The following CPAMD8 variants were observed in gnomAD, a reference collection of about 807,000 sequenced individuals.
CPAMD8 encodes the protein C3 and PZP-like alpha-2-macroglobulin domain-containing protein 8.
CPAMD8 carries 146 observed loss-of-function variants against 224.7 expected under a neutral mutation model. The observed-to-expected ratio is 0.65, with a 90% CI of 0.57 to 0.75. CPAMD8 has a LOEUF of 0.75. Among genes scored for constraint, CPAMD8 ranks in the 30% least tolerant of loss-of-function variants. The pLI is 0.00. For synonymous variants in CPAMD8, 966 were observed against 1,044.6 expected, an observed-to-expected ratio of 0.92 and a Z score of 1.45; for missense variants, 2,301 against 2,537.5, an observed-to-expected ratio of 0.91 and a Z score of 2.00.
chr19:16,923,390 A>G (rs978696921), intron 26 of CPAMD8, among the ~76,000 whole-genome samples: 1 of 152,170 alleles, frequency 6.6e-6, no homozygotes, highest in African/African-American at 2.4e-5. Context: ...ACTCAGCCAG[A>G]CACAGCCTGT....
chr19:16,949,062 G>C lies in CPAMD8; in HGVS notation c.2509-1835C>G, dbSNP rs536608568. On this transcript the variant is annotated intron_variant, in intron 20 of 41. Coordinates refer to ENST00000443236, the MANE Select transcript of CPAMD8 (RefSeq NM_015692.5). ...GAAGGAAGGACGGGAGGGGGGGAGGGAGGGAGGAAGGAAGGGAGGAAGGAA... is the reference window on the plus strand; with the variant it reads ...GAAGGAAGGACGGGAGGGGGGGAGGCAGGGAGGAAGGAAGGGAGGAAGGAA... Among the ~76,000 whole-genome samples, 275 of 131,504 alleles carry C rather than the reference G, an allele frequency of 2.1e-3. 1 individual carries two copies. Among genetic ancestry groups the C allele is most frequent in the African/African-American group, 7.2e-3 (266 of 37,018 alleles). The allele number at this position is 131,504 out of a possible 152,430, so 86.3% of individuals were successfully genotyped here. A position where few individuals can be genotyped will look rare whatever the true frequency, so the allele number is the denominator to read the frequency against.
chr19:16,975,209 GAC>G lies in CPAMD8; in HGVS notation c.1956_1957del (p.Ser653GlnfsTer62). 6.2e-7 allele frequency: 1 copy of G among 1,610,614 alleles called. No individual in the cohort carries two copies. The highest frequency in any genetic ancestry group is 8.5e-7 in the Non-Finnish European group (1 of 1,178,438). On this transcript the variant is annotated frameshift_variant, in exon 17 of 42. Coordinates refer to ENST00000443236, the MANE Select transcript of CPAMD8 (RefSeq NM_015692.5). LOFTEE classifies it high-confidence loss of function. ...CCACCAAAAAGGACCATCCTCCCTG[GAC>G]ACGCCAAAGGAATCAGAAACATCAT...
chr19:16,986,812 G>A (rs2055737137), intron 13 of CPAMD8, among the ~76,000 whole-genome samples: 1 of 151,990 alleles, frequency 6.6e-6, no homozygotes, highest in Non-Finnish European at 1.5e-5. Context: ...CCCAGCCAGT[G>A]AGCCTGCCAC....
intron 13 of CPAMD8, among the ~76,000 whole-genome samples, 157 bp from the exon 14 acceptor site, chr19:16,980,843 T>C (rs570932857): frequency 6.6e-6 from 1 of 152,190 alleles, no homozygotes; most frequent in South Asian, 2.1e-4. Context: ...TGTTTTTTGT[T>C]TTCTTTTTTA....
chr19:16,909,847 G>C (rs570283995), intron 29 of CPAMD8, among the ~76,000 whole-genome samples: 2 of 152,130 alleles, frequency 1.3e-5, no homozygotes, highest in East Asian at 3.9e-4. Flanking sequence ...ACTGCTGATC[G>C]GCACGGGAGT....
intron 23 of CPAMD8, 131 bp downstream of exon 23, chr19:16,938,264 C>A: frequency 1.8e-6 from 1 of 545,392 alleles, no homozygotes; most frequent in South Asian, 2.7e-5. Context: ...ACCACAGTGC[C>A]CCCTTCCCAG....
chr19:16,979,388 A>ATCCATCCATCTG (rs1352766789), intron 14 of CPAMD8, among the ~76,000 whole-genome samples: 1 of 142,646 alleles, frequency 7.0e-6, no homozygotes, highest in African/African-American at 2.8e-5. Flanking sequence ...CTGTCCATTC[A>ATCCATCCATCTG]TCCATCCATC....
At position 16,901,245 on chromosome 19, in the gene CPAMD8, A is replaced by G. The variant is rs1461614310; in HGVS notation, c.4738T>C (p.Ser1580Pro). 6.2e-7 allele frequency: 1 copy of G among 1,612,616 alleles called. No individual in the cohort carries two copies. Among genetic ancestry groups the G allele is most frequent in the African/African-American group, 1.3e-5 (1 of 74,896 alleles). Reference sequence around the variant, plus strand: ...CTCTCGATGTCTGCCCGGAAGCCTGACAGCAGGGGCACCTCCAGGACAGCC... The same window carrying G: ...CTCTCGATGTCTGCCCGGAAGCCTGGCAGCAGGGGCACCTCCAGGACAGCC... ...NMAVLEVPLL[S>P]GFRADIESLE... The change falls in exon 36 of 42, where the codon TCA becomes CCA. Residue 1580 changes from serine to proline, a missense_variant. Ser to Pro is a moderately conservative substitution (Grantham distance 74, BLOSUM62 -1). Around this residue, in one of 4 missense-constraint regions of CPAMD8, gnomAD observed 1,709 missense variants for 1,753.2 expected, o/e 0.97. Transcript: ENST00000443236.
intron 29 of CPAMD8, among the ~76,000 whole-genome samples, chr19:16,911,970 C>A (rs897308166): frequency 6.6e-6 from 1 of 152,144 alleles, no homozygotes; most frequent in African/African-American, 2.4e-5. Context: ...TGAACCACTG[C>A]ACCCAGCTGG....
chr19:17,011,937 T>G (rs900100699), intron 3 of CPAMD8, among the ~76,000 whole-genome samples, 180 bp from the exon 4 acceptor site: 4 of 152,152 alleles, frequency 2.6e-5, no homozygotes, highest in African/African-American at 9.7e-5. Flanking sequence ...GGGTGGGGAT[T>G]GCTACTGTCA....
intron 22 of CPAMD8, among the ~76,000 whole-genome samples, chr19:16,942,051 C>T (rs2053913251): frequency 6.6e-6 from 1 of 152,084 alleles, no homozygotes; most frequent in Admixed American, 6.6e-5. Flanking sequence ...CCATGTAAGA[C>T]ACGCCTGCTT....
intron 7 of CPAMD8, among the ~76,000 whole-genome samples, chr19:17,006,636 C>T (rs915724047): frequency 6.6e-6 from 1 of 152,168 alleles, no homozygotes; most frequent in African/African-American, 2.4e-5. Flanking sequence ...TCCTGTCCCC[C>T]ATCTCCAACC....
rs2052168894 is a variant in CPAMD8, at chr19:16,899,627, T to G, written c.4774-78A>C. 5.2e-6 allele frequency: 4 copies of G among 776,248 alleles called. No individual in the cohort carries two copies. Among genetic ancestry groups the G allele is most frequent in the Non-Finnish European group, 7.0e-6 (3 of 428,778 alleles). The allele number at this position is 776,248 out of a possible 1,614,324, so 48.1% of individuals were successfully genotyped here. On this transcript the variant is annotated intron_variant, in intron 36 of 41. Coordinates refer to ENST00000443236, the MANE Select transcript of CPAMD8 (RefSeq NM_015692.5). This position sits in a 1 kb window ranked among gnomAD's most constrained non-coding sequence, Gnocchi z 5.4. ...CCCATCCCCTGGGGGCAGTGGTCAGTGGGATGCTTGGACTTGCCCACAAGT... is the reference window on the plus strand; with the variant it reads ...CCCATCCCCTGGGGGCAGTGGTCAGGGGGATGCTTGGACTTGCCCACAAGT...
rs1374965716 is a variant in CPAMD8, at chr19:17,005,144, C to T, written c.560-758G>A. On this transcript the variant is annotated intron_variant, in intron 7 of 41. Transcript: ENST00000443236. ...CTCCACTCACCAAAGGTCAGTAGTACCAATGCCCTCTACAATATAACAACC... is the reference window on the plus strand; with the variant it reads ...CTCCACTCACCAAAGGTCAGTAGTATCAATGCCCTCTACAATATAACAACC... Among the ~76,000 whole-genome samples, 4 of 150,704 alleles carry T rather than the reference C, an allele frequency of 2.7e-5. No individual in the cohort carries two copies. The East Asian group carries it at 5.9e-4, about 22-fold the overall frequency.
At position 16,940,770 on chromosome 19, in the gene CPAMD8, G is replaced by A. The variant is rs541060453; in HGVS notation, c.2794-2324C>T. On this transcript the variant is annotated intron_variant, in intron 22 of 41. Transcript: ENST00000443236. ...ATTTCATCTCACACCTGCTAGGCCC[G>A]ATGTGGCACCCACGGGTCATTTGCT... Among the ~76,000 whole-genome samples the A allele has an allele frequency of 3.5e-4, 53 of 152,224 alleles. No individual in the cohort carries two copies. In the South Asian group the frequency reaches 7.3e-3, roughly 21 times the overall value.
chr19:16,961,389 C>T (rs773706500), intron 18 of CPAMD8, among the ~76,000 whole-genome samples: 6 of 152,266 alleles, frequency 3.9e-5, no homozygotes, highest in African/African-American at 7.2e-5. Context: ...GCGGGTCCCA[C>T]GCCCGCAGAG....
chr19:16,895,995 G>A, intron 41 of CPAMD8, 181 bp downstream of exon 41: 1 of 743,818 alleles, frequency 1.3e-6, no homozygotes, highest in Non-Finnish European at 2.4e-6. Flanking sequence ...GAGGGAGGAT[G>A]AATGTCCCAC....
At position 16,897,677 on chromosome 19, in the gene CPAMD8, C is replaced by A; in HGVS notation, c.5065+14G>T. The A allele has an allele frequency of 7.0e-7, 1 of 1,435,556 alleles. No individual in the cohort carries two copies. The highest frequency in any genetic ancestry group is 9.4e-7 in the Non-Finnish European group (1 of 1,063,406). 88.9% of individuals were successfully genotyped at this position (1,435,556 alleles called of 1,614,324 possible). A position where few individuals can be genotyped will look rare whatever the true frequency, so the allele number is the denominator to read the frequency against. The stretch of plus-strand genomic sequence containing the variant: ...AGGCCGCGGTGGGGGGCGGCAGTGG[C>A]TCCGCGCACTCACCCGGGCCCCGGG... On this transcript the variant is annotated intron_variant, in intron 39 of 41. Transcript: ENST00000443236.
intron 27 of CPAMD8, among the ~76,000 whole-genome samples, chr19:16,919,504 A>G (rs2053088756): frequency 6.6e-6 from 1 of 152,262 alleles, no homozygotes; most frequent in South Asian, 2.1e-4. Flanking sequence ...CCTTGACTGC[A>G]ACCTCAGCAA....
Sources: gnomAD v4.1 joint callset for allele counts (sites outside exome capture counted in the v4.1 genomes callset) on GRCh38, gnomAD v4.1.1 for gene constraint, gnomAD v4.1.1 regional missense constraint, Gnocchi (gnomAD v3.1) non-coding constraint, MANE v1.5 for transcripts, NCBI Gene and HGNC (gene_info 2026-07-23, HGNC 2026-07-21) for gene names.